The following FAM184A variants were observed in gnomAD, a reference collection of about 807,000 sequenced individuals.
FAM184A encodes the protein family with sequence similarity 184 member A, also known as protein FAM184A.
A neutral mutation model predicts 143.8 loss-of-function variants in FAM184A; 99 were observed. That is an observed-to-expected ratio of 0.69 (90% confidence interval 0.58 to 0.81). FAM184A has a LOEUF of 0.81. FAM184A is among the 40% of genes least tolerant of loss of function. The pLI, the probability that FAM184A is intolerant of heterozygous loss-of-function variation, is 0.00. For missense variants in FAM184A, 1,217 were observed against 1,310.5 expected, an observed-to-expected ratio of 0.93 and a Z score of 1.10; for synonymous variants, 427 against 446.4, an observed-to-expected ratio of 0.96 and a Z score of 0.55.
chr6:119,017,360 C>T (rs1051945468), intron 4 of FAM184A, among the ~76,000 whole-genome samples: 7 of 151,970 alleles, frequency 4.6e-5, no homozygotes, highest in Admixed American at 6.6e-5. Context: ...TAGCTGGGCG[C>T]GGTGGCGGGT....
intron 1 of FAM184A, among the ~76,000 whole-genome samples, chr6:119,058,133 G>A (rs1032657928): frequency 6.8e-5 from 10 of 147,644 alleles, no homozygotes; most frequent in Non-Finnish European, 1.5e-4. Flanking sequence ...AATGTGACCT[G>A]CCACTCTCTC....
chr6:119,016,999 T>C, intron 4 of FAM184A, 55 bp from the exon 5 acceptor site: 5 of 1,235,262 alleles, frequency 4.0e-6, no homozygotes, highest in Non-Finnish European at 5.8e-6. Flanking sequence ...TTACTGTTAT[T>C]AGGGTAATTT....
intron 1 of FAM184A, among the ~76,000 whole-genome samples, chr6:119,103,117 G>T (rs1460932962): frequency 6.6e-6 from 1 of 152,142 alleles, no homozygotes; most frequent in Non-Finnish European, 1.5e-5. Flanking sequence ...CAGGGACCTG[G>T]TTCTTGTCCA....
Position 118,978,585 on chromosome 6 carries a change from G to A in FAM184A, c.2455+780C>T, listed in dbSNP as rs188732195. Among the ~76,000 whole-genome samples, 3 of 152,284 alleles carry A rather than the reference G, an allele frequency of 2.0e-5. No individual in the cohort carries two copies. In the East Asian group the frequency reaches 5.8e-4, roughly 29 times the overall value. On this transcript the variant is annotated intron_variant, in intron 11 of 17. Transcript: ENST00000338891. ...TGGGTTTTAAAGGAGGAAGAGGAGA[G>A]CTTTAACGACTTGGTCTGGGACTCC... is the stretch of plus-strand genomic sequence containing the variant.
chr6:118,989,842 A>ATTTATTTT (rs1784318210), intron 9 of FAM184A, among the ~76,000 whole-genome samples: 1 of 139,350 alleles, frequency 7.2e-6, no homozygotes, highest in Non-Finnish European at 1.5e-5. Flanking sequence ...TTATTTATTT[A>ATTTATTTT]TTTTTGAGAC....
At chr6:119,012,491 T>G (rs981203493) in intron 5 of FAM184A, among the ~76,000 whole-genome samples, 5 of 152,208 alleles carry the variant, frequency 3.3e-5, no homozygotes, top group Non-Finnish European at 7.4e-5. Context: ...TCCAGACACC[T>G]GTAACAACTT....
intron 14 of FAM184A, among the ~76,000 whole-genome samples, chr6:118,972,255 T>G (rs1460063150): frequency 6.6e-6 from 1 of 152,236 alleles, no homozygotes; most frequent in Non-Finnish European, 1.5e-5. Context: ...TTAATTAAAA[T>G]TAAATGAAAT....
chr6:119,131,994 C>T (rs764361878), intron 1 of FAM184A, among the ~76,000 whole-genome samples: 24 of 152,166 alleles, frequency 1.6e-4, no homozygotes, highest in Non-Finnish European at 2.9e-4. Context: ...TTTTAATACT[C>T]AAATCTTCCA....
chr6:118,975,096 G>A lies in FAM184A; in HGVS notation c.2696C>T (p.Ala899Val). The A allele has an allele frequency of 6.2e-7, 1 of 1,612,870 alleles. No homozygotes were observed. Among genetic ancestry groups the A allele is most frequent in the African/African-American group, 1.3e-5 (1 of 74,902 alleles). ...CTTAAATTCCAGTTCTTTGGTTAGG[G>A]CACTTATATTCTCATGAAGGTGCTG... ...EVQHLHENIS[A>V]LTKELEFKGK... Residue 899 changes from alanine (A) to valine (V), a missense_variant, in exon 13 of 18, where the codon GCC becomes GTC. Coordinates refer to ENST00000338891, the MANE Select transcript of FAM184A (RefSeq NM_024581.6).
chr6:119,078,165 G>A lies in FAM184A; in HGVS notation c.135C>T (p.Ser45=). 6.3e-7 allele frequency: 1 copy of A among 1,593,472 alleles called. No individual in the cohort carries two copies. The highest frequency in any genetic ancestry group is 8.5e-7 in the Non-Finnish European group (1 of 1,171,730). Residue 45 remains serine, a synonymous_variant, in exon 1 of 18, where the codon AGC becomes AGT. Coordinates refer to ENST00000338891, the MANE Select transcript of FAM184A (RefSeq NM_024581.6). The surrounding 1 kb of genome is among the most constrained non-coding windows in gnomAD (Gnocchi z 5.5). ...CCTTGGTGAGCTGGGCGATTTTCTT[G>A]CTCATTTTCAGGTGCATCTCCTGGC... The part of the protein sequence containing the change: ...DYSQEMHLKM[S]KKIAQLTKVI...
chr6:118,984,134 T>G (rs1784106113), intron 9 of FAM184A, among the ~76,000 whole-genome samples: 1 of 132,740 alleles, frequency 7.5e-6, no homozygotes, highest in Non-Finnish European at 1.6e-5. Flanking sequence ...TGGGCAATGA[T>G]AACGAAACTC....
chr6:118,970,008 A>ATATATATATATATATATATATTTTTTTT, intron 14 of FAM184A, among the ~76,000 whole-genome samples: 4 of 19,028 alleles, frequency 2.1e-4, no homozygotes, highest in Non-Finnish European at 3.4e-4. Context: ...ATATATATAT[A>ATATATATATATATATATATATTTTTTTT]TTTTTTTTTT....
In FAM184A at chr6:118,964,714, C is replaced by A. The variant is rs773674626; in HGVS notation, c.3091G>T (p.Val1031Leu). The A allele has an allele frequency of 1.2e-6, 2 of 1,610,166 alleles. No individual in the cohort carries two copies. Among genetic ancestry groups the A allele is most frequent in the Non-Finnish European group, 1.7e-6 (2 of 1,177,274 alleles). ...LVNRETNFNK[V>L]FNSSPTVGVI... is the part of the protein sequence containing the mutation. Reference sequence around the variant, plus strand: ...CCAACAGTAGGACTTGAGTTAAACACTTTGTTGAAGTTAGTTTCTCGATTG... The same window carrying A: ...CCAACAGTAGGACTTGAGTTAAACAATTTGTTGAAGTTAGTTTCTCGATTG... The change falls in exon 16 of 18, where the codon GTG becomes TTG. Residue 1031 changes from valine (V) to leucine (L), a missense_variant. Transcript: ENST00000338891.
chr6:119,040,116 G>A (rs912842178), intron 1 of FAM184A, among the ~76,000 whole-genome samples: 2 of 152,148 alleles, frequency 1.3e-5, no homozygotes, highest in African/African-American at 4.8e-5. Context: ...AGTGCACCTT[G>A]TTCTAAGGCC....
At position 119,096,565 on chromosome 6, in the gene FAM184A, G is replaced by A. The variant is rs372537865; in HGVS notation, c.-202+52513C>T. On this transcript the variant is annotated intron_variant, in intron 1 of 16. Transcript: ENST00000352896. ...GCAGGAGAATGGCGTGAACCCGGGA[G>A]GCGGAGCTTGCAGTGAGCCGAGATT... 2.7e-3 allele frequency among the ~76,000 whole-genome samples: 112 copies of A among 41,838 alleles called. 25 individuals are homozygous for A. The East Asian group carries it at 0.082, about 31-fold the overall frequency. 27.4% of individuals were successfully genotyped at this position (41,838 alleles called of 152,430 possible). A position where few individuals can be genotyped will look rare whatever the true frequency, so the allele number is the denominator to read the frequency against.
rs3058653 is a variant in FAM184A, at chr6:119,045,291, A to ATTTT, written c.160-20482_160-20479dup. Among the ~76,000 whole-genome samples the ATTTT allele has an allele frequency of 3.1e-4, 44 of 143,264 alleles. 1 individual carries two copies. Among genetic ancestry groups the ATTTT allele is most frequent in the African/African-American group, 8.2e-4 (32 of 38,894 alleles). 94.0% of individuals were successfully genotyped at this position (143,264 alleles called of 152,430 possible). Reference sequence around the variant, plus strand: ...AAACAGTATAACTATCAGTTTCTCAATTTTTTTTTTTTTTTTGCCATTCTA... The same window carrying ATTTT: ...AAACAGTATAACTATCAGTTTCTCAATTTTTTTTTTTTTTTTTTTTGCCATTCTA... On this transcript the variant is annotated intron_variant, in intron 1 of 17. Transcript: ENST00000338891.
At chr6:119,079,522 C>G (rs991087944), upstream of FAM184A, among the ~76,000 whole-genome samples, 1 of 152,214 alleles carries the variant, frequency 6.6e-6, no homozygotes, top group African/African-American at 2.4e-5. Context: ...CTTAACATCT[C>G]TACCCCTGCA....
intron 1 of FAM184A, among the ~76,000 whole-genome samples, chr6:119,066,911 T>C (rs567309092): frequency 1.5e-4 from 23 of 152,322 alleles, no homozygotes; most frequent in African/African-American, 3.1e-4. Flanking sequence ...TTTAGGTACA[T>C]AGACAAAGAC....
chr6:118,976,046 T>C lies in FAM184A; in HGVS notation c.2456-2A>G, dbSNP rs1396884167. 1 of 1,609,540 alleles carries C rather than the reference T, an allele frequency of 6.2e-7. No homozygotes were observed. The highest frequency in any genetic ancestry group is 2.2e-5 in the East Asian group (1 of 44,664). The stretch of plus-strand genomic sequence containing the variant: ...GGTTGAGTTCTGAGCGCAAGGAAGC[T>C]GGAATTGCAAGGCAAAAATACATTT... On this transcript the variant is annotated splice_acceptor_variant, in intron 11 of 17. Coordinates refer to ENST00000338891, the MANE Select transcript of FAM184A (RefSeq NM_024581.6). LOFTEE classifies it high-confidence loss of function.
Sources: gnomAD v4.1 joint callset for allele counts (sites outside exome capture counted in the v4.1 genomes callset) on GRCh38, gnomAD v4.1.1 for gene constraint, Gnocchi (gnomAD v3.1) non-coding constraint, MANE v1.5 for transcripts, NCBI Gene and HGNC (gene_info 2026-07-23, HGNC 2026-07-21) for gene names.